Variants in UBE3C observed in about 807,000 individuals in gnomAD.
UBE3C encodes the protein ubiquitin protein ligase E3C.
A neutral mutation model predicts 129.4 loss-of-function variants in UBE3C; 42 were observed. The ratio of observed to expected loss-of-function variants is 0.32; its 90% confidence interval spans 0.25 to 0.42. UBE3C has a LOEUF of 0.42. UBE3C is among the 10% of genes least tolerant of loss of function. The pLI is 1.00. For missense variants in UBE3C, 1,049 were observed against 1,319.1 expected, an observed-to-expected ratio of 0.80 and a Z score of 3.17; for synonymous variants, 510 against 492.4, an observed-to-expected ratio of 1.04 and a Z score of -0.47.
At chr7:157,212,300 G>A (rs1165636299) in intron 13 of UBE3C, among the ~76,000 whole-genome samples, 1 of 152,078 alleles carries the variant, frequency 6.6e-6, no homozygotes, top group Non-Finnish European at 1.5e-5. Flanking sequence ...ATGTTATGAT[G>A]CAATTTAGTC....
At position 157,186,963 on chromosome 7, in the gene UBE3C, A is replaced by T; in HGVS notation, c.1273A>T (p.Met425Leu). 6.2e-7 allele frequency: 1 copy of T among 1,613,350 alleles called. No homozygotes were observed. Among genetic ancestry groups the T allele is most frequent in the South Asian group, 1.1e-5 (1 of 90,908 alleles). Residue 425 changes from methionine to leucine, a missense_variant, in exon 10 of 23, where the codon ATG becomes TTG. By Grantham distance (15) the Met-to-Leu change is conservative (BLOSUM62 2). Coordinates refer to ENST00000348165, the MANE Select transcript of UBE3C (RefSeq NM_014671.3). ...DSASEEVFTT[M>L]ASVCHTLMVQ... The stretch of plus-strand genomic sequence containing the variant: ...TGCGAGCGAGGAGGTCTTCACCACC[A>T]TGGCCTCCGTCTGCCACACGCTGAT...
At chr7:157,146,963 G>A (rs900232233) in intron 1 of UBE3C, among the ~76,000 whole-genome samples, 1 of 152,162 alleles carries the variant, frequency 6.6e-6, no homozygotes, top group Non-Finnish European at 1.5e-5. Context: ...AGTAAGCATT[G>A]AAGTCTGGTA....
intron 19 of UBE3C, 49 bp downstream of exon 19, chr7:157,248,629 A>T: frequency 6.3e-7 from 1 of 1,579,234 alleles, no homozygotes; most frequent in Non-Finnish European, 8.7e-7. Context: ...AAGTAGCAGC[A>T]TCTCCTTGTG....
intron 1 of UBE3C, among the ~76,000 whole-genome samples, chr7:157,157,913 G>T (rs1211848946): frequency 6.6e-6 from 1 of 151,994 alleles, no homozygotes; most frequent in Non-Finnish European, 1.5e-5. Flanking sequence ...CTGGGAGGCG[G>T]AGGTTGCAGT....
At chr7:157,252,591 AACGAG>A (rs1447083677) in intron 19 of UBE3C, among the ~76,000 whole-genome samples, 1 of 152,236 alleles carries the variant, frequency 6.6e-6, no homozygotes, top group African/African-American at 2.4e-5. Context: ...AGAACCAGCA[AACGAG>A]TCTCCTATAA....
intron 14 of UBE3C, among the ~76,000 whole-genome samples, chr7:157,217,713 T>C (rs956874874): frequency 3.3e-5 from 5 of 152,116 alleles, no homozygotes; most frequent in African/African-American, 1.2e-4. Flanking sequence ...GGCAGACGCC[T>C]GTAATCCCAG....
chr7:157,166,355 T>C (rs943259368), intron 2 of UBE3C, among the ~76,000 whole-genome samples: 4 of 152,246 alleles, frequency 2.6e-5, no homozygotes, highest in Admixed American at 2.0e-4. Context: ...AAATACTTAC[T>C]CTTTGGTAAG....
intron 10 of UBE3C, among the ~76,000 whole-genome samples, chr7:157,198,680 A>G (rs1276739712): frequency 6.6e-6 from 1 of 151,996 alleles, no homozygotes; most frequent in Non-Finnish European, 1.5e-5. Flanking sequence ...GATTACAGGC[A>G]TGCGCCACCA....
Position 157,268,410 on chromosome 7 carries a change from G to A in UBE3C, c.*655G>A. 6.5e-6 allele frequency: 1 copy of A among 152,718 alleles called. No individual in the cohort carries two copies. Among genetic ancestry groups the A allele is most frequent in the Middle Eastern group, 3.2e-3 (1 of 316 alleles). 9.5% of individuals were successfully genotyped at this position (152,718 alleles called of 1,614,324 possible). ...GTTTGGAGATACTGTCTGTGGATGT[G>A]AGGTGGGGACTTCATTCATTGTCCT... On this transcript the variant is annotated 3_prime_UTR_variant, in exon 23 of 23. Coordinates refer to ENST00000348165, the MANE Select transcript of UBE3C (RefSeq NM_014671.3).
chr7:157,230,889 C>T (rs1796005967), intron 17 of UBE3C, among the ~76,000 whole-genome samples, 191 bp from the exon 18 acceptor site: 1 of 152,120 alleles, frequency 6.6e-6, no homozygotes, highest in South Asian at 2.1e-4. Context: ...CGTGCCACTG[C>T]ACTCCAGCCT....
At chr7:157,189,059 T>C in intron 10 of UBE3C, 2 of 428,620 alleles carry the variant, frequency 4.7e-6, no homozygotes, top group Non-Finnish European at 4.2e-6. Flanking sequence ...AGAACCGGCT[T>C]TTCCTATAAG....
chr7:157,259,854 C>T (rs563559063), intron 22 of UBE3C, among the ~76,000 whole-genome samples: 7 of 152,252 alleles, frequency 4.6e-5, no homozygotes, highest in Admixed American at 1.3e-4. Flanking sequence ...AAGTCAAGTA[C>T]ACCTCAATTA....
chr7:157,222,170 C>CT (rs761304721), intron 15 of UBE3C: 1 of 152,174 alleles, frequency 6.6e-6, no homozygotes, highest in Non-Finnish European at 1.5e-5. Context: ...TGCACACTGC[C>CT]TGTGAACATG....
intron 2 of UBE3C, among the ~76,000 whole-genome samples, chr7:157,164,983 T>TG (rs1808174349): frequency 6.6e-6 from 1 of 152,098 alleles, no homozygotes; most frequent in African/African-American, 2.4e-5. Context: ...AATTCTTTGT[T>TG]GGGGGGAACT....
At chr7:157,166,341 T>C (rs933980750) in intron 2 of UBE3C, among the ~76,000 whole-genome samples, 2 of 152,230 alleles carry the variant, frequency 1.3e-5, no homozygotes, top group Non-Finnish European at 2.9e-5. Context: ...TTGATTCTTT[T>C]TAAAAATACT....
chr7:157,248,397 G>T lies in UBE3C; in HGVS notation c.2511G>T (p.Leu837=). Reference sequence around the variant, plus strand: ...TCTATGAGAACATGCTGGTGGAGCTGCCCTTTGCAGGCTTCTTTCTTTCCA... The same window carrying T: ...TCTATGAGAACATGCTGGTGGAGCTTCCCTTTGCAGGCTTCTTTCTTTCCA... ...KALYENMLVE[L]PFAGFFLSKL... Residue 837 remains leucine (L), a synonymous_variant, in exon 19 of 23, where the codon CTG becomes CTT. Coordinates refer to ENST00000348165, the MANE Select transcript of UBE3C (RefSeq NM_014671.3). 1 of 1,613,532 alleles carries T rather than the reference G, an allele frequency of 6.2e-7. No individual in the cohort carries two copies. Among genetic ancestry groups the T allele is most frequent in the Non-Finnish European group, 8.5e-7 (1 of 1,180,030 alleles).
At chr7:157,216,367 A>G (rs1257151887) in intron 13 of UBE3C, among the ~76,000 whole-genome samples, 1 of 149,428 alleles carries the variant, frequency 6.7e-6, no homozygotes, top group Non-Finnish European at 1.5e-5. Flanking sequence ...TTTTTTTTTA[A>G]TATTTTAGGT....
chr7:157,252,531 A>G (rs1037325534), intron 19 of UBE3C, among the ~76,000 whole-genome samples: 1 of 152,270 alleles, frequency 6.6e-6, no homozygotes, highest in African/African-American at 2.4e-5. Flanking sequence ...AAAGAAGCAG[A>G]TCTGGTAAGT....
intron 21 of UBE3C, among the ~76,000 whole-genome samples, chr7:157,256,396 G>A (rs1796752119): frequency 6.6e-6 from 1 of 151,966 alleles, no homozygotes; most frequent in South Asian, 2.1e-4. Context: ...GCCAGCCCGG[G>A]CCTCCCAAAG....
Sources: allele counts gnomAD v4.1 joint callset (sites outside exome capture counted in the v4.1 genomes callset), GRCh38; gene constraint gnomAD v4.1.1; transcripts MANE v1.5; gene names NCBI Gene and HGNC (gene_info 2026-07-23, HGNC 2026-07-21).